NLRP5: variants seen among roughly 807,000 people sequenced by gnomAD.
NLRP5 encodes the protein NLR family pyrin domain containing 5.
In NLRP5, 93 loss-of-function variants were observed where a neutral mutation model predicts 113.1. The observed-to-expected ratio is 0.82, with a 90% confidence interval of 0.70 to 0.98. NLRP5 has a LOEUF of 0.98. Among genes scored for constraint, NLRP5 ranks in the 50% least tolerant of loss-of-function variants. The pLI is 0.00. For synonymous variants in NLRP5, 751 were observed against 600.7 expected, an observed-to-expected ratio of 1.25 and a Z score of -3.66; for missense variants, 1,808 against 1,514.3, an observed-to-expected ratio of 1.19 and a Z score of -3.22.
At chr19:56,015,938 C>T in intron 4 of NLRP5, 140 bp downstream of exon 4, 1 of 567,526 alleles carries the variant, frequency 1.8e-6, no homozygotes, top group Non-Finnish European at 3.1e-6. Context: ...TCCCTCTTCC[C>T]TAAGAGATCT....
At chr19:55,999,423 C>G (rs190186701), upstream of NLRP5, among the ~76,000 whole-genome samples, 1 of 152,058 alleles carries the variant, frequency 6.6e-6, no homozygotes. Flanking sequence ...ACCATGTTAG[C>G]CAGGCTGGTC....
At chr19:56,057,192 A>G (rs1984188515) in intron 13 of NLRP5, among the ~76,000 whole-genome samples, 1 of 152,186 alleles carries the variant, frequency 6.6e-6, no homozygotes, top group African/African-American at 2.4e-5. Context: ...TAAAACCTAT[A>G]TACCCACCAC....
chr19:56,013,350 A>G, intron 3 of NLRP5, among the ~76,000 whole-genome samples: 1 of 151,714 alleles, frequency 6.6e-6, no homozygotes, highest in East Asian at 1.9e-4. Context: ...CTACCACTAC[A>G]CCCAGCTAAT....
the NLRP5 span, among the ~76,000 whole-genome samples, chr19:55,990,074 T>TTTC: frequency 1.3e-5 from 1 of 78,702 alleles, no homozygotes; most frequent in Non-Finnish European, 2.3e-5. Context: ...TTTTTTTTCT[T>TTTC]TTTTCTTTTT....
chr19:56,006,888 C>T (rs56150727), intron 2 of NLRP5, among the ~76,000 whole-genome samples: 45,664 of 150,684 alleles, frequency 0.3, 7,346 homozygotes, highest in Middle Eastern at 0.37. Context: ...TACAGGTGCC[C>T]GCCAGCACTC....
At chr19:56,046,363 G>C (rs921311410) in intron 11 of NLRP5, among the ~76,000 whole-genome samples, 1 of 148,648 alleles carries the variant, frequency 6.7e-6, no homozygotes, top group Non-Finnish European at 1.5e-5. Flanking sequence ...AAGGATTTTA[G>C]CATCTATGTT....
chr19:56,026,187 A>G (rs559540365), intron 6 of NLRP5, among the ~76,000 whole-genome samples: 10 of 152,168 alleles, frequency 6.6e-5, no homozygotes, highest in Non-Finnish European at 1.3e-4. Flanking sequence ...CTCAGGCCCC[A>G]CTGATGCTCG....
intron 1 of NLRP5, among the ~76,000 whole-genome samples, chr19:56,003,080 A>G (rs894788884): frequency 1.3e-5 from 2 of 151,016 alleles, no homozygotes; most frequent in African/African-American, 4.9e-5. Flanking sequence ...TAGAAATACC[A>G]TTTGACCCAG....
intron 13 of NLRP5, among the ~76,000 whole-genome samples, chr19:56,056,531 T>C (rs915481502): frequency 6.6e-6 from 1 of 152,014 alleles, no homozygotes; most frequent in African/African-American, 2.4e-5. Flanking sequence ...CACTCCAGCC[T>C]GGGCAACAGA....
upstream of NLRP5, among the ~76,000 whole-genome samples, chr19:55,998,672 G>GTGTGTGTGTATATATA (rs1474569739): frequency 9.4e-6 from 1 of 105,992 alleles, no homozygotes; most frequent in African/African-American, 3.7e-5. Context: ...GTGTGTGTGT[G>GTGTGTGTGTATATATA]TATATATATA....
At chr19:55,989,858 T>C in the NLRP5 span, among the ~76,000 whole-genome samples, 1 of 152,114 alleles carries the variant, frequency 6.6e-6, no homozygotes, top group African/African-American at 2.4e-5. Flanking sequence ...CGGATAAAGA[T>C]TGTTAAAGTA....
intron 14 of NLRP5, among the ~76,000 whole-genome samples, chr19:56,060,652 G>T (rs1206215893): frequency 6.6e-6 from 1 of 152,112 alleles, no homozygotes; most frequent in African/African-American, 2.4e-5. Flanking sequence ...TGCATCTTAG[G>T]ACTGTTAGGA....
Position 56,043,933 on chromosome 19 carries a change from ATTTATC to A in NLRP5, c.2957+2847_2957+2852del, listed in dbSNP as rs560389698. Among the ~76,000 whole-genome samples, 507 of 151,720 alleles carry A rather than the reference ATTTATC, an allele frequency of 3.3e-3. 1 individual carries two copies. The highest frequency in any genetic ancestry group is 0.011 in the African/African-American group (451 of 41,394). On this transcript the variant is annotated intron_variant, in intron 11 of 14. Transcript: ENST00000390649. ...TCTTTGGTTCAATTAGGTCCCAGCT[ATTTATC>A]TTTATTTTTATTGCATTCACTTTTG...
rs373407667 is a variant in NLRP5 at position 56,028,136 on chromosome 19, C to T, written c.1903C>T (p.Arg635Cys). 4.3e-6 allele frequency: 7 copies of T among 1,613,840 alleles called. No homozygotes were observed. Among genetic ancestry groups the T allele is most frequent in the East Asian group, 2.2e-5 (1 of 44,886 alleles). Residue 635 changes from arginine to cysteine, a missense_variant, in exon 7 of 15, where the codon CGT (arginine) becomes TGT (cysteine). By Grantham distance (180) the Arg-to-Cys change is radical. Coordinates refer to ENST00000390649, the MANE Select transcript of NLRP5 (RefSeq NM_153447.4). ...CCATATCCACTCGCTTTGGATGAAG[C>T]GTTTCTTGTTTGGCCTCGTGAGCGA...
chr19:55,993,098 C>G, the NLRP5 span, among the ~76,000 whole-genome samples: 1 of 151,900 alleles, frequency 6.6e-6, no homozygotes, highest in South Asian at 2.1e-4. Flanking sequence ...ATCCACCCAC[C>G]TCGGCCTCCC....
chr19:56,044,067 C>CTTTTT (rs35674471), intron 11 of NLRP5, among the ~76,000 whole-genome samples: 11 of 139,876 alleles, frequency 7.9e-5, no homozygotes, highest in African/African-American at 2.9e-4. Flanking sequence ...AGTCTTAGGT[C>CTTTTT]TTTTTTTTTT....
At position 56,002,735 on chromosome 19, in the gene NLRP5, G is replaced by A. The variant is rs924636523; in HGVS notation, c.63-981G>A. On this transcript the variant is annotated intron_variant, in intron 1 of 14. Coordinates refer to ENST00000390649, the MANE Select transcript of NLRP5 (RefSeq NM_153447.4). ...GCAGTGTTTGGCTTTTTGTCCTTGCGATAGTTTGCTGAGAATGATGGTTTC... is the reference window on the plus strand; with the variant it reads ...GCAGTGTTTGGCTTTTTGTCCTTGCAATAGTTTGCTGAGAATGATGGTTTC... 1.3e-4 allele frequency among the ~76,000 whole-genome samples: 19 copies of A among 149,330 alleles called. 1 individual carries two copies. The highest frequency in any genetic ancestry group is 7.9e-4 in the East Asian group (4 of 5,056).
chr19:56,005,162 C>T (rs560826635), intron 2 of NLRP5, among the ~76,000 whole-genome samples: 15 of 142,520 alleles, frequency 1.1e-4, no homozygotes, highest in Admixed American at 5.7e-4. Flanking sequence ...CACACATATA[C>T]ACATATATTT....
chr19:56,030,714 C>CTTTTTTTGTTTTTTTTTTTTTT (rs1983068299), intron 7 of NLRP5, among the ~76,000 whole-genome samples: 1 of 71,350 alleles, frequency 1.4e-5, no homozygotes, highest in Non-Finnish European at 2.3e-5. Context: ...CTTTCTTCTT[C>CTTTTTTTGTTTTTTTTTTTTTT]TTTTTTTTTT....
Sources: gnomAD v4.1 joint callset for allele counts (sites outside exome capture counted in the v4.1 genomes callset) on GRCh38, gnomAD v4.1.1 for gene constraint, MANE v1.5 for transcripts, NCBI Gene and HGNC (gene_info 2026-07-23, HGNC 2026-07-21) for gene names.